HOXD3: variants seen among roughly 807,000 people sequenced by gnomAD.
HOXD3 encodes homeobox D3, also known as homeobox protein Hox-D3.
A neutral mutation model predicts 32.8 loss-of-function variants in HOXD3; 13 were observed. That is an observed-to-expected ratio of 0.40 (90% confidence interval 0.26 to 0.63). The LOEUF (loss-of-function observed/expected upper bound fraction) is 0.63. Among genes scored for constraint, HOXD3 ranks in the 20% least tolerant of loss-of-function variants. HOXD3 has a pLI of 0.44. For missense variants in HOXD3, 504 were observed against 577.1 expected (o/e 0.87, Z 1.30); for synonymous variants, 241 against 246.8 (o/e 0.98, Z 0.22).
At chr2:176,168,920 A>G in intron 2 of HOXD3, 111 bp from the exon 3 acceptor site, 1 of 717,160 alleles carries the variant, frequency 1.4e-6, no homozygotes, top group Non-Finnish European at 2.1e-6. Context: ...CACCTTGCCC[A>G]TCTCCCCGCC....
At position 176,169,666 on chromosome 2, in the gene HOXD3, G is replaced by A. The variant is rs1220312061; in HGVS notation, c.541+11G>A. The stretch of plus-strand genomic sequence containing the variant: ...GCTGTGCCACTGCAGGTAGCTCCCT[G>A]AGGTGGCCTACTGCCAGACCAAGCC... On this transcript the variant is annotated intron_variant, in intron 3 of 3. Transcript: ENST00000683222. 2 of 1,573,590 alleles carry A rather than the reference G, an allele frequency of 1.3e-6. No homozygotes were observed. Among genetic ancestry groups the A allele is most frequent in the East Asian group, 4.5e-5 (2 of 44,438 alleles).
At chr2:176,152,618 C>A (rs200241025), upstream of HOXD3, 155 of 1,614,042 alleles carry the variant, frequency 9.6e-5, no homozygotes, top group Non-Finnish European at 1.2e-4. This position sits in a 1 kb window ranked among gnomAD's most constrained non-coding sequence, Gnocchi z 5.2. Flanking sequence ...TGAACCCCAA[C>A]TACACCGGTG....
intron 2 of HOXD3, among the ~76,000 whole-genome samples, chr2:176,166,193 C>T (rs1690965602): frequency 6.6e-6 from 1 of 152,090 alleles, no homozygotes; most frequent in Non-Finnish European, 1.5e-5. Context: ...GGAAGATGCC[C>T]AATGTTTGTA....
At chr2:176,171,175 G>A (rs1199663840) in intron 3 of HOXD3, among the ~76,000 whole-genome samples, 1 of 152,166 alleles carries the variant, frequency 6.6e-6, no homozygotes, top group Non-Finnish European at 1.5e-5. Context: ...ACAGAGGGAG[G>A]CCTTACCAGC....
upstream of HOXD3, among the ~76,000 whole-genome samples, chr2:176,156,980 CACCAAT>C (rs770067799): frequency 5.9e-4 from 90 of 152,260 alleles, no homozygotes; most frequent in Non-Finnish European, 1.1e-3. Context: ...CTCCCGTGCC[CACCAAT>C]ACATCAATAC....
intron 1 of HOXD3, chr2:176,160,815 G>A (rs899919888): frequency 3.9e-5 from 6 of 152,248 alleles, no homozygotes; most frequent in African/African-American, 1.4e-4. Flanking sequence ...ACGGGCGGGC[G>A]GGTGGACCGA....
At chr2:176,152,565 G>GGCC, upstream of HOXD3, 2 of 1,539,312 alleles carry the variant, frequency 1.3e-6, no homozygotes, top group Non-Finnish European at 1.8e-6. The surrounding 1 kb of genome is among the most constrained non-coding windows in gnomAD (Gnocchi z 5.2). Context: ...CCTAACTAGT[G>GGCC]GCCGGGCGCT....
chr2:176,168,500 T>C (rs1390735015), intron 2 of HOXD3, among the ~76,000 whole-genome samples: 2 of 151,884 alleles, frequency 1.3e-5, no homozygotes, highest in African/African-American at 4.8e-5. Flanking sequence ...CCCAGAGGCG[T>C]AGGTTGCAGT....
At chr2:176,152,867 C>G (rs997867296), upstream of HOXD3, 1 of 1,614,184 alleles carries the variant, frequency 6.2e-7, no homozygotes, top group Admixed American at 1.7e-5. The surrounding 1 kb of genome is among the most constrained non-coding windows in gnomAD (Gnocchi z 5.2). Context: ...CCTCATCTTG[C>G]TCCTCCTCAG....
chr2:176,156,635 C>A (rs1392159405), upstream of HOXD3, among the ~76,000 whole-genome samples: 1 of 152,138 alleles, frequency 6.6e-6, no homozygotes, highest in Non-Finnish European at 1.5e-5. Flanking sequence ...GACTCCAGCA[C>A]CTGCCCCTCC....
rs554628839 is a variant in HOXD3, at chr2:176,171,970, C to A, written c.995C>A (p.Pro332Gln). The change falls in exon 4 of 4, where the codon CCG (proline) becomes CAG (glutamine). Residue 332 changes from proline to glutamine, a missense_variant. Physicochemically the swap from Pro to Gln is moderately conservative, Grantham distance 76. Transcript: ENST00000683222. ...CCACAACAGAAGCGCTACGCAGCGCCGGAGTTCGAGCCCCATCCCATGGCG... is the reference window on the plus strand; with the variant it reads ...CCACAACAGAAGCGCTACGCAGCGCAGGAGTTCGAGCCCCATCCCATGGCG... ...CLPQQKRYAA[P>Q]EFEPHPMASN... 1.2e-6 allele frequency: 2 copies of A among 1,610,642 alleles called. No individual in the cohort carries two copies.
At chr2:176,160,740 G>A (rs1360294855) in intron 1 of HOXD3, among the ~76,000 whole-genome samples, 1 of 152,218 alleles carries the variant, frequency 6.6e-6, no homozygotes, top group Non-Finnish European at 1.5e-5. Context: ...GGGCCTGGGA[G>A]GGCTGGGCAG....
At position 176,171,581 on chromosome 2, in the gene HOXD3, G is replaced by T; in HGVS notation, c.606G>T (p.Thr202=). ...PASKRVRTAY[T]SAQLVELEKE... ...CCAAGCGGGTACGCACGGCATACAC[G>T]AGCGCGCAGCTGGTGGAATTGGAAA... The change falls in exon 4 of 4, where the codon ACG becomes ACT. Residue 202 remains threonine (T), a synonymous_variant. Coordinates refer to ENST00000683222, the MANE Select transcript of HOXD3 (RefSeq NM_006898.5). The T allele has an allele frequency of 2.5e-6, 4 of 1,613,332 alleles. No homozygotes were observed. The highest frequency in any genetic ancestry group is 2.2e-5 in the East Asian group (1 of 44,868).
At chr2:176,152,879 C>G, upstream of HOXD3, 1 of 1,614,190 alleles carries the variant, frequency 6.2e-7, no homozygotes, top group South Asian at 1.1e-5. The surrounding 1 kb of genome is among the most constrained non-coding windows in gnomAD (Gnocchi z 5.2). Context: ...CCTCCTCAGT[C>G]GCCCCCAGCC....
intron 1 of HOXD3, among the ~76,000 whole-genome samples, chr2:176,162,107 C>A (rs542249802): frequency 2.0e-5 from 3 of 152,356 alleles, no homozygotes; most frequent in Non-Finnish European, 2.9e-5. Context: ...GGAGAGGAAC[C>A]GACTTCCAGG....
intron 2 of HOXD3, among the ~76,000 whole-genome samples, chr2:176,167,792 A>C (rs927957190): frequency 6.9e-6 from 1 of 145,538 alleles, no homozygotes; most frequent in Non-Finnish European, 1.5e-5. Context: ...TGATTGACTG[A>C]TTGATCCACT....
intron 1 of HOXD3, among the ~76,000 whole-genome samples, chr2:176,158,730 T>C (rs1306001607): frequency 6.6e-6 from 1 of 152,246 alleles, no homozygotes; most frequent in Non-Finnish European, 1.5e-5. Context: ...CAAATGTTTA[T>C]GTGCTTTGCG....
At chr2:176,162,259 A>G (rs1027113858) in intron 1 of HOXD3, among the ~76,000 whole-genome samples, 1 of 152,210 alleles carries the variant, frequency 6.6e-6, no homozygotes, top group South Asian at 2.1e-4. Flanking sequence ...GCTGAATCCA[A>G]TTACCGCGAG....
upstream of HOXD3, chr2:176,152,854 C>G (rs1574974055): frequency 1.2e-6 from 2 of 1,614,070 alleles, no homozygotes; most frequent in Non-Finnish European, 1.7e-6. The surrounding 1 kb of genome is among the most constrained non-coding windows in gnomAD (Gnocchi z 5.2). Flanking sequence ...TCCTCATCTT[C>G]CTCCTCATCT....
Sources: gnomAD v4.1 joint callset for allele counts (sites outside exome capture counted in the v4.1 genomes callset) on GRCh38, gnomAD v4.1.1 for gene constraint, Gnocchi (gnomAD v3.1) non-coding constraint, MANE v1.5 for transcripts, NCBI Gene and HGNC (gene_info 2026-07-23, HGNC 2026-07-21) for gene names.